COG5: variants seen among roughly 807,000 people sequenced by gnomAD.
The protein encoded by COG5 is component of oligomeric golgi complex 5.
Under a neutral mutation model 110.4 loss-of-function variants are expected in COG5, and 86 were observed. The ratio of observed to expected loss-of-function variants is 0.78; its 90% CI spans 0.65 to 0.93. The LOEUF (loss-of-function observed/expected upper bound fraction) is 0.93, where lower values mean the gene tolerates loss of function less well. Ranked by LOEUF, COG5 falls within the 40% of genes least tolerant of loss-of-function variation. The probability of loss-of-function intolerance (pLI) is 0.00; values close to 1 mark genes in which losing one functional copy is unlikely to be tolerated. For synonymous variants in COG5, 360 were observed against 334.6 expected (o/e 1.08, Z -0.83); for missense variants, 1,077 against 987.0 (o/e 1.09, Z -1.22).
chr7:107,390,025 T>C (rs905199307), intron 7 of COG5, among the ~76,000 whole-genome samples: 1 of 152,210 alleles, frequency 6.6e-6, no homozygotes, highest in African/African-American at 2.4e-5. Context: ...ACAGGCTTGG[T>C]TCAACTCATG....
chr7:107,294,881 TTG>T (rs756358916), intron 12 of COG5, among the ~76,000 whole-genome samples: 7,528 of 93,778 alleles, frequency 0.08, 344 homozygotes, highest in African/African-American at 0.1. Flanking sequence ...ATGCCTGGAT[TTG>T]TGTGTGTGTG....
At chr7:107,473,955 A>ATTTTT in intron 6 of COG5, 6 of 525,378 alleles carry the variant, frequency 1.1e-5, no homozygotes, top group Non-Finnish European at 1.3e-5. Context: ...CAATTGAAAG[A>ATTTTT]TTTTTTTTCT....
chr7:107,491,880 C>T (rs1797992814), intron 6 of COG5, among the ~76,000 whole-genome samples: 1 of 152,118 alleles, frequency 6.6e-6, no homozygotes, highest in Admixed American at 6.6e-5. Flanking sequence ...CACCCTGCCC[C>T]TGTAGCCAGA....
At chr7:107,402,519 C>T (rs1243645380) in intron 7 of COG5, among the ~76,000 whole-genome samples, 1 of 152,102 alleles carries the variant, frequency 6.6e-6, no homozygotes, top group Non-Finnish European at 1.5e-5. Flanking sequence ...TCTATGGTGA[C>T]GCAGGAACTG....
At chr7:107,223,288 T>C (rs886977710) in intron 19 of COG5, among the ~76,000 whole-genome samples, 3 of 152,126 alleles carry the variant, frequency 2.0e-5, no homozygotes, top group Non-Finnish European at 4.4e-5. Context: ...AGAGAAAGTG[T>C]TGGAGGCCTG....
At chr7:107,402,736 G>A (rs959346143) in intron 7 of COG5, among the ~76,000 whole-genome samples, 2 of 152,154 alleles carry the variant, frequency 1.3e-5, no homozygotes, top group Non-Finnish European at 1.5e-5. Flanking sequence ...ATATCTAGTC[G>A]CATGCTGTGA....
At chr7:107,299,826 C>CATATATATATATATATATATAT (rs71856513) in intron 11 of COG5, among the ~76,000 whole-genome samples, 9 of 103,192 alleles carry the variant, frequency 8.7e-5, no homozygotes, top group Non-Finnish European at 1.0e-4. Flanking sequence ...TCATAGTTGG[C>CATATATATATATATATATATAT]ATATATATAT....
intron 19 of COG5, among the ~76,000 whole-genome samples, chr7:107,218,466 A>T (rs1443384591): frequency 6.6e-6 from 1 of 152,130 alleles, no homozygotes; most frequent in Non-Finnish European, 1.5e-5. Context: ...AGAGCTATAT[A>T]GTAATTAGAA....
intron 21 of COG5, chr7:107,210,188 A>G: frequency 8.7e-7 from 1 of 1,150,448 alleles, no homozygotes; most frequent in Non-Finnish European, 1.1e-6. Context: ...ACTGCAGCAC[A>G]TAAAAATGAA....
At chr7:107,514,973 G>C (rs769397521) in intron 6 of COG5, among the ~76,000 whole-genome samples, 1 of 152,088 alleles carries the variant, frequency 6.6e-6, no homozygotes, top group Non-Finnish European at 1.5e-5. Flanking sequence ...TGAGTTTATA[G>C]ATAAGGACAG....
intron 1 of COG5, chr7:107,563,531 G>A: frequency 2.1e-6 from 1 of 486,030 alleles, no homozygotes; most frequent in Non-Finnish European, 3.7e-6. Flanking sequence ...AAACTTCAGG[G>A]AAGCTGGAGG....
At chr7:107,225,811 G>A (rs896724651) in intron 19 of COG5, among the ~76,000 whole-genome samples, 2 of 152,148 alleles carry the variant, frequency 1.3e-5, no homozygotes, top group African/African-American at 4.8e-5. Flanking sequence ...GGGAGGCCGA[G>A]GCAGGCAGAT....
intron 12 of COG5, among the ~76,000 whole-genome samples, chr7:107,297,089 A>T (rs1354357967): frequency 6.6e-6 from 1 of 152,178 alleles, no homozygotes; most frequent in Non-Finnish European, 1.5e-5. Flanking sequence ...ACTATACTTC[A>T]TGGGTGACCT....
At chr7:107,412,971 T>C (rs930953799) in intron 6 of COG5, among the ~76,000 whole-genome samples, 1 of 152,010 alleles carries the variant, frequency 6.6e-6, no homozygotes, top group Non-Finnish European at 1.5e-5. Context: ...CAGAAAATTC[T>C]CAAGATGCAA....
chr7:107,241,260 C>T (rs1305261075), intron 17 of COG5, among the ~76,000 whole-genome samples: 4 of 151,968 alleles, frequency 2.6e-5, no homozygotes, highest in Non-Finnish European at 5.9e-5. Flanking sequence ...CTAACTGGGA[C>T]ACTTCAGATC....
At chr7:107,294,779 G>C (rs555981604) in intron 12 of COG5, among the ~76,000 whole-genome samples, 1 of 136,158 alleles carries the variant, frequency 7.3e-6, no homozygotes, top group African/African-American at 2.8e-5. Flanking sequence ...GCAGTGGCGC[G>C]ATCTCAGCTC....
chr7:107,545,673 G>A lies in COG5; in HGVS notation c.417+2438C>T, dbSNP rs538485631. ...CGGGCACCTGTAATCCCAGCTACTC[G>A]GGAGGCTGAGGCAGAAGAATGGCTT... On this transcript the variant is annotated intron_variant, in intron 5 of 21. Coordinates refer to ENST00000297135, the MANE Select transcript of COG5 (RefSeq NM_006348.5). 4.6e-5 allele frequency among the ~76,000 whole-genome samples: 7 copies of A among 151,322 alleles called. No homozygotes were observed. The South Asian group carries it at 6.2e-4, about 14-fold the overall frequency.
chr7:107,457,290 A>T (rs950064328), intron 6 of COG5, among the ~76,000 whole-genome samples: 1 of 152,004 alleles, frequency 6.6e-6, no homozygotes, highest in Non-Finnish European at 1.5e-5. Flanking sequence ...AGACACTATA[A>T]AAGATTAAAA....
At chr7:107,562,995 G>A (rs1804011674) in intron 1 of COG5, among the ~76,000 whole-genome samples, 1 of 152,164 alleles carries the variant, frequency 6.6e-6, no homozygotes, top group African/African-American at 2.4e-5. Flanking sequence ...TTAGTACAAG[G>A]TAGAATGCGA....
Sources: gnomAD v4.1 joint callset for allele counts (sites outside exome capture counted in the v4.1 genomes callset) on GRCh38, gnomAD v4.1.1 for gene constraint, MANE v1.5 for transcripts, NCBI Gene and HGNC (gene_info 2026-07-23, HGNC 2026-07-21) for gene names.